Variants in RIMS2 observed in about 807,000 individuals in gnomAD.
The protein encoded by RIMS2 is regulating synaptic membrane exocytosis 2, also known as regulating synaptic membrane exocytosis protein 2.
Under a neutral mutation model 174.4 loss-of-function variants are expected in RIMS2, and 59 were observed. The observed-to-expected ratio is 0.34, with a 90% confidence interval of 0.27 to 0.42. The LOEUF is 0.42. Ranked by LOEUF, RIMS2 falls within the 10% of genes least tolerant of loss-of-function variation. RIMS2 has a pLI of 1.00. For missense variants in RIMS2, 1,620 were observed against 1,666.3 expected, an observed-to-expected ratio of 0.97 and a Z score of 0.48; for synonymous variants, 606 against 572.5, an observed-to-expected ratio of 1.06 and a Z score of -0.84.
intron 3 of RIMS2, among the ~76,000 whole-genome samples, chr8:103,824,968 A>G (rs1162640026): frequency 6.6e-6 from 1 of 152,224 alleles, no homozygotes; most frequent in Non-Finnish European, 1.5e-5. Context: ...GTTGGGTAGT[A>G]TTGAACATAG....
intron 2 of RIMS2, among the ~76,000 whole-genome samples, chr8:103,718,170 G>A (rs547153689): frequency 6.6e-6 from 1 of 152,172 alleles, no homozygotes; most frequent in Admixed American, 6.5e-5. Flanking sequence ...AATAGGCAAG[G>A]GACATCCTGC....
At chr8:103,940,978 A>G (rs1292766718) in intron 13 of RIMS2, among the ~76,000 whole-genome samples, 1 of 151,908 alleles carries the variant, frequency 6.6e-6, no homozygotes, top group African/African-American at 2.4e-5. Context: ...CTGGGTTTAT[A>G]TTCCTGGCAC....
At chr8:104,204,266 A>T (rs766719285) in intron 19 of RIMS2, among the ~76,000 whole-genome samples, 3 of 152,234 alleles carry the variant, frequency 2.0e-5, no homozygotes, top group Non-Finnish European at 4.4e-5. Flanking sequence ...GAACTTTGTA[A>T]GTGCATGTTA....
At chr8:103,792,512 C>A (rs557761847) in intron 3 of RIMS2, among the ~76,000 whole-genome samples, 7 of 152,022 alleles carry the variant, frequency 4.6e-5, no homozygotes, top group African/African-American at 1.7e-4. Context: ...ACTAAAAGAA[C>A]TAGAGAAACA....
intron 15 of RIMS2, among the ~76,000 whole-genome samples, chr8:103,973,236 G>A (rs936686348): frequency 6.6e-6 from 1 of 152,168 alleles, no homozygotes; most frequent in South Asian, 2.1e-4. Context: ...CTCAACTGTG[G>A]TATTGACACT....
intron 3 of RIMS2, chr8:103,768,835 C>G: frequency 1.6e-6 from 1 of 615,842 alleles, no homozygotes; most frequent in African/African-American, 1.8e-5. Context: ...ATGTGTCCTG[C>G]AGCACAAATG....
chr8:103,522,111 A>G (rs375943361), intron 1 of RIMS2, among the ~76,000 whole-genome samples: 1 of 152,232 alleles, frequency 6.6e-6, no homozygotes, highest in African/African-American at 2.4e-5. Flanking sequence ...ATCATTTGGT[A>G]AAGTATTTTT....
At chr8:103,637,448 A>G (rs2096114795) in intron 1 of RIMS2, among the ~76,000 whole-genome samples, 1 of 152,226 alleles carries the variant, frequency 6.6e-6, no homozygotes, top group African/African-American at 2.4e-5. Flanking sequence ...ATTTTTTGAA[A>G]ATGAATGTGA....
chr8:103,762,530 A>G (rs990954851), intron 2 of RIMS2, among the ~76,000 whole-genome samples: 1 of 152,222 alleles, frequency 6.6e-6, no homozygotes, highest in African/African-American at 2.4e-5. Context: ...TAATCATTTC[A>G]TAGTCAATTA....
At chr8:104,127,130 G>GTATTAACTCTCTAGAA (rs2098438294) in intron 19 of RIMS2, among the ~76,000 whole-genome samples, 1 of 152,050 alleles carries the variant, frequency 6.6e-6, no homozygotes. Flanking sequence ...TTTTAGTTAA[G>GTATTAACTCTCTAGAA]TATTAACTCT....
At chr8:104,192,050 G>A (rs1032239555) in intron 19 of RIMS2, among the ~76,000 whole-genome samples, 2 of 152,130 alleles carry the variant, frequency 1.3e-5, no homozygotes, top group Admixed American at 6.6e-5. Flanking sequence ...GCCAAAAAAT[G>A]TATGGTTTTA....
At chr8:103,909,626 TGAA>T (rs1385780082) in intron 4 of RIMS2, among the ~76,000 whole-genome samples, 1 of 152,132 alleles carries the variant, frequency 6.6e-6, no homozygotes, top group Non-Finnish European at 1.5e-5. Flanking sequence ...TTTAGCATGA[TGAA>T]GAATATCATA....
chr8:103,698,644 AT>A (rs893893828), intron 2 of RIMS2, among the ~76,000 whole-genome samples: 62 of 152,072 alleles, frequency 4.1e-4, no homozygotes, highest in African/African-American at 1.4e-3. Context: ...TGATTTGATC[AT>A]TTTTTTGGGG....
chr8:103,557,545 G>T (rs1392609948), intron 1 of RIMS2, among the ~76,000 whole-genome samples: 1 of 152,198 alleles, frequency 6.6e-6, no homozygotes, highest in Non-Finnish European at 1.5e-5. Flanking sequence ...ATCACCTGCT[G>T]TGTTCCAGGC....
intron 19 of RIMS2, among the ~76,000 whole-genome samples, chr8:104,072,864 G>A (rs1299017251): frequency 6.6e-6 from 1 of 152,132 alleles, no homozygotes; most frequent in Non-Finnish European, 1.5e-5. Flanking sequence ...TGAAAGAAGA[G>A]AGTCTATTTT....
chr8:103,553,438 A>G (rs1230104464), intron 1 of RIMS2, among the ~76,000 whole-genome samples: 1 of 151,746 alleles, frequency 6.6e-6, no homozygotes, highest in African/African-American at 2.4e-5. Flanking sequence ...AAACACTGGG[A>G]CCTGTCATGG....
chr8:104,133,190 A>G lies in RIMS2; in HGVS notation c.3335-111726A>G, dbSNP rs185001494. Among the ~76,000 whole-genome samples the G allele has an allele frequency of 5.3e-5, 8 of 152,316 alleles. No individual in the cohort carries two copies. In the East Asian group the frequency reaches 1.3e-3, roughly 26 times the overall value. ...TGTACCATTTTAAGTGGGGTACGTA[A>G]CATGTGAAGCTGAGTTGGAGAAGAG... On this transcript the variant is annotated intron_variant, in intron 19 of 23. Transcript: ENST00000504942.
intron 1 of RIMS2, among the ~76,000 whole-genome samples, chr8:103,554,834 A>G (rs1449301337): frequency 6.6e-6 from 1 of 152,208 alleles, no homozygotes; most frequent in Non-Finnish European, 1.5e-5. Context: ...TACAGACATA[A>G]CATGAAATAG....
At chr8:104,200,140 C>T (rs1278436602) in intron 19 of RIMS2, among the ~76,000 whole-genome samples, 2 of 152,122 alleles carry the variant, frequency 1.3e-5, no homozygotes, top group Non-Finnish European at 2.9e-5. Context: ...ATGCATTCTA[C>T]ACCCTACTAA....
Sources: gnomAD v4.1 joint callset for allele counts (sites outside exome capture counted in the v4.1 genomes callset) on GRCh38, gnomAD v4.1.1 for gene constraint, MANE v1.5 for transcripts, NCBI Gene and HGNC (gene_info 2026-07-23, HGNC 2026-07-21) for gene names.